Variants in SCARA3 observed in about 807,000 individuals in gnomAD.
SCARA3 encodes scavenger receptor class A member 3, also known as cellular stress response gene protein.
SCARA3 carries 39 observed loss-of-function variants against 47.0 expected under a neutral mutation model. That is an observed-to-expected ratio of 0.83 (90% CI 0.64 to 1.08). The LOEUF is 1.08. Among genes scored for constraint, SCARA3 ranks in the 50% least tolerant of loss-of-function variants. The pLI, the probability that SCARA3 is intolerant of heterozygous loss-of-function variation, is 0.00. For missense variants in SCARA3, 724 were observed against 792.3 expected (o/e 0.91, Z 1.04); for synonymous variants, 356 against 334.1 (o/e 1.07, Z -0.71).
intron 4 of SCARA3, among the ~76,000 whole-genome samples, chr8:27,657,652 T>G (rs1424506805): frequency 6.7e-6 from 1 of 150,064 alleles, no homozygotes; most frequent in Non-Finnish European, 1.5e-5. Flanking sequence ...GCCATTCTCC[T>G]GCCTCAGCCT....
the SCARA3 span, among the ~76,000 whole-genome samples, chr8:27,684,957 C>T: frequency 6.6e-6 from 1 of 151,636 alleles, no homozygotes; most frequent in African/African-American, 2.4e-5. Flanking sequence ...CCAGAACACA[C>T]ACAAAGAAAG....
At chr8:27,702,311 C>A in the SCARA3 span, 1 of 152,352 alleles carries the variant, frequency 6.6e-6, no homozygotes, top group African/African-American at 2.4e-5. Flanking sequence ...GGCTTTTCTT[C>A]TTCTTCTGGT....
At chr8:27,697,517 T>C in the SCARA3 span, 1 of 152,286 alleles carries the variant, frequency 6.6e-6, no homozygotes, top group Non-Finnish European at 1.5e-5. Context: ...TGAAAGTAAA[T>C]ATCATATCCC....
At chr8:27,716,518 C>A in the SCARA3 span, among the ~76,000 whole-genome samples, 2 of 152,032 alleles carry the variant, frequency 1.3e-5, no homozygotes, top group Non-Finnish European at 2.9e-5. Flanking sequence ...AAATCTGGAA[C>A]AATTTGAGCA....
At chr8:27,702,423 A>G in the SCARA3 span, 2 of 152,244 alleles carry the variant, frequency 1.3e-5, no homozygotes, top group African/African-American at 4.8e-5. Context: ...CTGACCTTTC[A>G]GTGCTGTTTG....
chr8:27,678,066 T>C (rs1255492709), downstream of SCARA3, among the ~76,000 whole-genome samples: 1 of 152,192 alleles, frequency 6.6e-6, no homozygotes, highest in Admixed American at 6.5e-5. Flanking sequence ...GGGAAAATTA[T>C]AACATTAAAC....
intron 1 of SCARA3, among the ~76,000 whole-genome samples, chr8:27,641,162 T>C (rs1801373510): frequency 1.3e-5 from 2 of 152,218 alleles, no homozygotes; most frequent in African/African-American, 4.8e-5. Context: ...CCTAATTGTG[T>C]AATTATTCTC....
the SCARA3 span, among the ~76,000 whole-genome samples, chr8:27,687,205 C>T: frequency 2.6e-5 from 4 of 152,274 alleles, no homozygotes; most frequent in Admixed American, 6.5e-5. Context: ...GAGGCACTTT[C>T]TCTTCTCTGG....
the SCARA3 span, among the ~76,000 whole-genome samples, chr8:27,691,398 C>T: frequency 2.6e-5 from 4 of 152,036 alleles, no homozygotes; most frequent in African/African-American, 4.8e-5. Context: ...AAACTGATTC[C>T]CTTCTTTTTG....
chr8:27,668,546 C>CAAAAAAAA lies in SCARA3; in HGVS notation c.1370-2345_1370-2338dup, dbSNP rs61162841. ...TGGGCGACAGAGCGAGACTCCGTCTCAAAAAAAAAAAAAAAAGAAATCACA... is the reference window on the plus strand; with the variant it reads ...TGGGCGACAGAGCGAGACTCCGTCTCAAAAAAAAAAAAAAAAAAAAAAAAGAAATCACA... On this transcript the variant is annotated intron_variant, in intron 5 of 5. Coordinates refer to ENST00000301904, the MANE Select transcript of SCARA3 (RefSeq NM_016240.3). 1.6e-3 allele frequency among the ~76,000 whole-genome samples: 115 copies of CAAAAAAAA among 69,776 alleles called. 2 individuals carry two copies. Among genetic ancestry groups the CAAAAAAAA allele is most frequent in the South Asian group, 3.9e-3 (6 of 1,536 alleles). 45.8% of individuals were successfully genotyped at this position (69,776 alleles called of 152,430 possible). A position where few individuals can be genotyped will look rare whatever the true frequency, so the allele number is the denominator to read the frequency against.
chr8:27,691,326 C>G, the SCARA3 span, among the ~76,000 whole-genome samples: 2 of 152,132 alleles, frequency 1.3e-5, no homozygotes, highest in African/African-American at 4.8e-5. Flanking sequence ...GTCTTACTTC[C>G]TTGGCCAGAG....
At position 27,658,581 on chromosome 8, in the gene SCARA3, G is replaced by A. The variant is rs776665301; in HGVS notation, c.411G>A (p.Glu137=). Residue 137 remains glutamate, a synonymous_variant, in exon 5 of 6, where the codon GAG becomes GAA. Coordinates refer to ENST00000301904, the MANE Select transcript of SCARA3 (RefSeq NM_016240.3). ...TCCGAAAACTGCAGGAGGAGCTGGA[G>A]GGAATTCAGAAGCTGCTTCTGGCCC... The part of the protein sequence containing the change: ...PEIRKLQEEL[E]GIQKLLLAQE... The A allele has an allele frequency of 1.2e-6, 2 of 1,614,100 alleles. No homozygotes were observed. Among genetic ancestry groups the A allele is most frequent in the Non-Finnish European group, 8.5e-7 (1 of 1,180,054 alleles).
the SCARA3 span, among the ~76,000 whole-genome samples, chr8:27,726,092 C>T: frequency 2.0e-5 from 3 of 152,194 alleles, no homozygotes; most frequent in Non-Finnish European, 4.4e-5. Flanking sequence ...CTTAAAGTCT[C>T]TTCCAACCTC....
the SCARA3 span, among the ~76,000 whole-genome samples, chr8:27,710,106 T>A: frequency 6.6e-6 from 1 of 152,084 alleles, no homozygotes. Context: ...GGTGCATGCC[T>A]GTAGTCCCAG....
At position 27,659,152 on chromosome 8, in the gene SCARA3, C is replaced by G; in HGVS notation, c.982C>G (p.Leu328Val). 1 of 1,614,142 alleles carries G rather than the reference C, an allele frequency of 6.2e-7. No homozygotes were observed. ...TGACCACGAAGAGAACATGCATGAT[C>G]TTCAGTACCATACCCACTACGCCCA... ...LDDHEENMHDLQYHTHYAQNR... is the reference protein window; with the variant it reads ...LDDHEENMHDVQYHTHYAQNR... The change falls in exon 5 of 6, where the codon CTT becomes GTT. Residue 328 changes from leucine to valine, a missense_variant. Coordinates refer to ENST00000301904, the MANE Select transcript of SCARA3 (RefSeq NM_016240.3).
At chr8:27,670,622 G>C (rs1202485622) in intron 5 of SCARA3, among the ~76,000 whole-genome samples, 2 of 152,200 alleles carry the variant, frequency 1.3e-5, no homozygotes. Context: ...CTCAGAGCAG[G>C]ACAGGCAATC....
chr8:27,672,734 G>T lies in SCARA3; in HGVS notation c.*1383G>T. On this transcript the variant is annotated 3_prime_UTR_variant, in exon 6 of 6. Transcript: ENST00000301904. ...TGGGAAATCACCCCACAGGGTGGAGGTCTCCTGTTGGCTACACTCTAAAGC... is the reference window on the plus strand; with the variant it reads ...TGGGAAATCACCCCACAGGGTGGAGTTCTCCTGTTGGCTACACTCTAAAGC... 1 of 985,560 alleles carries T rather than the reference G, an allele frequency of 1.0e-6. No individual in the cohort carries two copies. The highest frequency in any genetic ancestry group is 1.2e-6 in the Non-Finnish European group (1 of 830,038). 61.1% of individuals were successfully genotyped at this position (985,560 alleles called of 1,614,324 possible). A position where few individuals can be genotyped will look rare whatever the true frequency, so the allele number is the denominator to read the frequency against.
chr8:27,693,258 A>C, the SCARA3 span, among the ~76,000 whole-genome samples: 2,834 of 152,322 alleles, frequency 0.019, 39 homozygotes, highest in Admixed American at 0.057. Flanking sequence ...TTAATGTCTT[A>C]AGTCCTCCTA....
At chr8:27,710,246 A>G in the SCARA3 span, among the ~76,000 whole-genome samples, 2 of 152,020 alleles carry the variant, frequency 1.3e-5, no homozygotes, top group East Asian at 3.9e-4. Context: ...AAAAAAAAAA[A>G]AAAGGAGAGA....
Sources: gnomAD v4.1 joint callset for allele counts (sites outside exome capture counted in the v4.1 genomes callset) on GRCh38, gnomAD v4.1.1 for gene constraint, MANE v1.5 for transcripts, NCBI Gene and HGNC (gene_info 2026-07-23, HGNC 2026-07-21) for gene names.